Variants in SEZ6L observed in about 807,000 individuals in gnomAD.
The protein encoded by SEZ6L is seizure 6-like protein.
A neutral mutation model predicts 106.2 loss-of-function variants in SEZ6L; 37 were observed. The ratio of observed to expected loss-of-function variants is 0.35; its 90% CI spans 0.27 to 0.46. SEZ6L has a LOEUF of 0.46. SEZ6L is among the 20% of genes least tolerant of loss of function. The pLI is 1.00. For missense variants in SEZ6L, 1,172 were observed against 1,332.8 expected (o/e 0.88, Z 1.88); for synonymous variants, 541 against 570.4 (o/e 0.95, Z 0.73).
intron 1 of SEZ6L, among the ~76,000 whole-genome samples, chr22:26,252,269 G>A (rs931218165): frequency 3.3e-5 from 5 of 152,160 alleles, no homozygotes; most frequent in East Asian, 1.9e-4. Context: ...AAGTAATTTA[G>A]TTTTTCAGTG....
chr22:26,319,475 A>C (rs2082094472), intron 9 of SEZ6L, among the ~76,000 whole-genome samples: 1 of 152,198 alleles, frequency 6.6e-6, no homozygotes. Flanking sequence ...CATCTCCAGC[A>C]TCGCTTTATT....
At chr22:26,201,573 T>TA (rs1940962798) in intron 1 of SEZ6L, among the ~76,000 whole-genome samples, 13 of 151,246 alleles carry the variant, frequency 8.6e-5, no homozygotes, top group Non-Finnish European at 1.8e-4. Context: ...AAATAAAAAA[T>TA]AAAAATAAAA....
intron 4 of SEZ6L, 31 bp downstream of exon 4, chr22:26,297,111 G>A (rs761084603): frequency 6.6e-7 from 1 of 1,520,282 alleles, no homozygotes; most frequent in Non-Finnish European, 8.9e-7. Context: ...ATGAAACATA[G>A]GCGTTTGCCT....
At chr22:26,329,631 A>G (rs979568360) in intron 9 of SEZ6L, among the ~76,000 whole-genome samples, 3 of 152,234 alleles carry the variant, frequency 2.0e-5, no homozygotes, top group Non-Finnish European at 4.4e-5. Flanking sequence ...ATTGGGTTTC[A>G]CTGGGCCAAA....
intron 12 of SEZ6L, 143 bp downstream of exon 12, chr22:26,351,386 C>G: frequency 1.6e-6 from 1 of 644,252 alleles, no homozygotes; most frequent in Non-Finnish European, 2.6e-6. Flanking sequence ...AAAACAGTAC[C>G]TAACACTGAT....
At chr22:26,271,187 T>G (rs2080353552) in intron 1 of SEZ6L, among the ~76,000 whole-genome samples, 1 of 152,168 alleles carries the variant, frequency 6.6e-6, no homozygotes, top group Non-Finnish European at 1.5e-5. Flanking sequence ...AGCAATAAAA[T>G]CGTAATTATT....
intron 6 of SEZ6L, among the ~76,000 whole-genome samples, chr22:26,307,021 T>G (rs1046712287): frequency 6.6e-6 from 1 of 151,870 alleles, no homozygotes; most frequent in African/African-American, 2.4e-5. Flanking sequence ...CATGGGAAAG[T>G]GAGATTGTGA....
chr22:26,198,550 A>G (rs1940728685), intron 1 of SEZ6L, among the ~76,000 whole-genome samples: 1 of 152,240 alleles, frequency 6.6e-6, no homozygotes, highest in Non-Finnish European at 1.5e-5. Context: ...GGTAATTTAT[A>G]AATAATAGAA....
intron 1 of SEZ6L, among the ~76,000 whole-genome samples, chr22:26,219,254 G>T (rs1308427994): frequency 3.0e-5 from 4 of 135,104 alleles, no homozygotes; most frequent in African/African-American, 2.7e-5. Context: ...AGAAATACAA[G>T]TTTTTTTTTT....
At chr22:26,298,911 C>T (rs1410356560) in intron 4 of SEZ6L, 73 bp from the exon 5 acceptor site, 1 of 1,427,658 alleles carries the variant, frequency 7.0e-7, no homozygotes, top group Non-Finnish European at 9.4e-7. Context: ...CAAACTGGCT[C>T]CCAGGATGTG....
chr22:26,201,607 G>A (rs147133336), intron 1 of SEZ6L, among the ~76,000 whole-genome samples: 65 of 151,940 alleles, frequency 4.3e-4, no homozygotes, highest in African/African-American at 1.5e-3. Context: ...ATCTGGAGGC[G>A]GTAGAAGGGT....
At chr22:26,287,876 T>C (rs1359608515) in intron 1 of SEZ6L, among the ~76,000 whole-genome samples, 1 of 152,254 alleles carries the variant, frequency 6.6e-6, no homozygotes, top group African/African-American at 2.4e-5. Context: ...TAGTAGGGAC[T>C]GAGAGATGAA....
At chr22:26,326,796 A>G (rs2082317685) in intron 9 of SEZ6L, among the ~76,000 whole-genome samples, 1 of 152,206 alleles carries the variant, frequency 6.6e-6, no homozygotes, top group South Asian at 2.1e-4. Context: ...AGGTGGCAGG[A>G]AGCCAGGCAG....
At chr22:26,183,358 A>C (rs1939532981) in intron 1 of SEZ6L, among the ~76,000 whole-genome samples, 1 of 152,196 alleles carries the variant, frequency 6.6e-6, no homozygotes, top group African/African-American at 2.4e-5. Context: ...AGGTAGGACC[A>C]AGTTCTTTTC....
intron 1 of SEZ6L, among the ~76,000 whole-genome samples, chr22:26,274,300 A>G (rs2080469093): frequency 6.8e-6 from 1 of 146,294 alleles, no homozygotes; most frequent in East Asian, 1.9e-4. Context: ...AGGACCATGG[A>G]TATAGGACCT....
At chr22:26,359,679 C>G (rs1324702132) in intron 12 of SEZ6L, among the ~76,000 whole-genome samples, 7 of 152,070 alleles carry the variant, frequency 4.6e-5, no homozygotes, top group Non-Finnish European at 1.0e-4. Context: ...ATGGTGCACG[C>G]CAGTGGTCCC....
chr22:26,358,134 T>G lies in SEZ6L; in HGVS notation c.2599+6891T>G, dbSNP rs1401399571. On this transcript the variant is annotated intron_variant, in intron 12 of 16. Transcript: ENST00000248933. ...CACATCTTGGCCAGCATGTCCAGTG[T>G]TAGCTGAGTTCCCGTCCTCATTTAG... 2.0e-5 allele frequency among the ~76,000 whole-genome samples: 3 copies of G among 152,214 alleles called. No homozygotes were observed. In the East Asian group the frequency reaches 5.8e-4, roughly 29 times the overall value.
chr22:26,285,375 A>C (rs957618994), intron 1 of SEZ6L, among the ~76,000 whole-genome samples: 1 of 152,182 alleles, frequency 6.6e-6, no homozygotes, highest in Non-Finnish European at 1.5e-5. Context: ...ACCTTCTCCA[A>C]CCCTCAAATT....
intron 1 of SEZ6L, among the ~76,000 whole-genome samples, chr22:26,214,924 G>T (rs1231769749): frequency 1.3e-5 from 2 of 151,974 alleles, no homozygotes; most frequent in East Asian, 3.9e-4. Context: ...CATTTAGAGT[G>T]CCTGGCATAT....
Sources: allele counts gnomAD v4.1 joint callset (sites outside exome capture counted in the v4.1 genomes callset), GRCh38; gene constraint gnomAD v4.1.1; transcripts MANE v1.5; gene names NCBI Gene and HGNC (gene_info 2026-07-23, HGNC 2026-07-21).